The following KANK1 variants were observed in gnomAD, a reference collection of about 807,000 sequenced individuals.
KANK1 encodes KN motif and ankyrin repeat domain-containing protein 1.
KANK1 carries 109 observed loss-of-function variants against 106.2 expected under a neutral mutation model. The ratio of observed to expected loss-of-function variants is 1.03; its 90% CI spans 0.88 to 1.20. The LOEUF is 1.20. Among genes scored for constraint, KANK1 ranks in the 50% most tolerant of loss-of-function variants. KANK1 has a pLI of 0.00. For missense variants in KANK1, 2,399 were observed against 1,710.7 expected, an observed-to-expected ratio of 1.40 and a Z score of -7.10; for synonymous variants, 873 against 652.2, an observed-to-expected ratio of 1.34 and a Z score of -5.16.
At chr9:621,161 T>G (rs775471418) in intron 1 of KANK1, among the ~76,000 whole-genome samples, 5 of 152,142 alleles carry the variant, frequency 3.3e-5, no homozygotes, top group Non-Finnish European at 7.3e-5. Context: ...AGCTAAAAAT[T>G]TTTCTTTGGG....
intron 1 of KANK1, among the ~76,000 whole-genome samples, chr9:508,121 C>CTTTTTTTTTTTT (rs71314711): frequency 2.6e-5 from 1 of 39,156 alleles, no homozygotes; most frequent in Non-Finnish European, 5.5e-5. Flanking sequence ...CCTGCTCAGC[C>CTTTTTTTTTTTT]TTTTTTTTTT....
At chr9:532,447 G>A (rs2060108160) in intron 1 of KANK1, among the ~76,000 whole-genome samples, 1 of 119,500 alleles carries the variant, frequency 8.4e-6, no homozygotes. Context: ...TTACATTGTT[G>A]TGCCACCATC....
At position 666,952 on chromosome 9, in the gene KANK1, G is replaced by A. The variant is rs529928146; in HGVS notation, c.-83-9938G>A. ...GTGGCCTTATCTGGTTTTGGTATCA[G>A]GGTAATGCCCGCCTTGCCGGATGAG... is the stretch of plus-strand genomic sequence containing the variant. On this transcript the variant is annotated intron_variant, in intron 1 of 11. Coordinates refer to ENST00000382297, the MANE Select transcript of KANK1 (RefSeq NM_015158.5). Among the ~76,000 whole-genome samples the A allele has an allele frequency of 1.9e-4, 26 of 134,360 alleles. No homozygotes were observed. In the South Asian group the frequency reaches 5.9e-3, roughly 30 times the overall value. 88.1% of individuals were successfully genotyped at this position (134,360 alleles called of 152,430 possible). A position where few individuals can be genotyped will look rare whatever the true frequency, so the allele number is the denominator to read the frequency against.
upstream of KANK1, among the ~76,000 whole-genome samples, chr9:500,483 C>T (rs967508727): frequency 6.6e-6 from 1 of 152,182 alleles, no homozygotes; most frequent in East Asian, 1.9e-4. Context: ...GCCATTAGGT[C>T]TCTGCTGGCC....
At chr9:693,620 G>A (rs1012850222) in intron 2 of KANK1, 2 of 985,354 alleles carry the variant, frequency 2.0e-6, no homozygotes, top group Non-Finnish European at 2.4e-6. Context: ...GTGGCCAGCA[G>A]GCTGTTAGTT....
At chr9:495,268 G>C (rs1457542200) in intron 3 of KANK1, 1 of 152,148 alleles carries the variant, frequency 6.6e-6, no homozygotes, top group African/African-American at 2.4e-5. Context: ...GCTGTCCTTT[G>C]TCAGACTCTA....
intron 3 of KANK1, among the ~76,000 whole-genome samples, chr9:483,980 A>G (rs2058250069): frequency 6.6e-6 from 1 of 152,202 alleles, no homozygotes; most frequent in Non-Finnish European, 1.5e-5. Context: ...AATAATAATT[A>G]CTACCAACAA....
intron 1 of KANK1, among the ~76,000 whole-genome samples, chr9:614,917 C>G (rs528923213): frequency 2.8e-4 from 43 of 152,148 alleles, no homozygotes; most frequent in African/African-American, 8.0e-4. Context: ...TAATATAGTA[C>G]AAAATTGTAC....
At chr9:718,667 A>G (rs1320048550) in intron 3 of KANK1, among the ~76,000 whole-genome samples, 6 of 152,122 alleles carry the variant, frequency 3.9e-5, no homozygotes, top group Non-Finnish European at 7.4e-5. Flanking sequence ...TGTCAAATAA[A>G]TAGGGTGAGA....
At chr9:736,182 T>C (rs1055890408) in intron 7 of KANK1, among the ~76,000 whole-genome samples, 1 of 152,122 alleles carries the variant, frequency 6.6e-6, no homozygotes, top group Non-Finnish European at 1.5e-5. Context: ...ATGGTCTCGA[T>C]CTCCTGACCT....
chr9:533,902 C>G (rs2060177697), intron 1 of KANK1, among the ~76,000 whole-genome samples: 1 of 152,190 alleles, frequency 6.6e-6, no homozygotes, highest in Non-Finnish European at 1.5e-5. Context: ...AACAAAACCA[C>G]CAGGCACATT....
intron 1 of KANK1, among the ~76,000 whole-genome samples, chr9:550,217 A>T (rs1255243062): frequency 1.4e-5 from 2 of 148,080 alleles, no homozygotes; most frequent in African/African-American, 5.1e-5. Flanking sequence ...CCCTCCCCCC[A>T]GGGATACTGT....
At chr9:492,485 C>T (rs1241922208) in intron 3 of KANK1, among the ~76,000 whole-genome samples, 2 of 152,114 alleles carry the variant, frequency 1.3e-5, no homozygotes, top group South Asian at 2.1e-4. Flanking sequence ...AATGAGGCAA[C>T]TAATAAATGC....
At chr9:535,991 A>G (rs572454226) in intron 1 of KANK1, among the ~76,000 whole-genome samples, 3 of 152,300 alleles carry the variant, frequency 2.0e-5, no homozygotes, top group East Asian at 1.9e-4. Context: ...TCCAGGTACT[A>G]AAGTCTTTTA....
intron 1 of KANK1, among the ~76,000 whole-genome samples, chr9:554,415 C>G (rs1418083716): frequency 6.6e-6 from 1 of 152,216 alleles, no homozygotes; most frequent in Non-Finnish European, 1.5e-5. Flanking sequence ...TGACACCCAT[C>G]CACACTGATG....
chr9:598,343 G>A (rs1826742575), intron 1 of KANK1, among the ~76,000 whole-genome samples: 1 of 151,402 alleles, frequency 6.6e-6, no homozygotes, highest in South Asian at 2.1e-4. Flanking sequence ...TGGCTATTTG[G>A]ATCCCTTTCA....
chr9:509,938 C>G (rs2058954442), intron 1 of KANK1, among the ~76,000 whole-genome samples: 1 of 151,854 alleles, frequency 6.6e-6, no homozygotes, highest in Admixed American at 6.6e-5. Context: ...GTAGCTGGGA[C>G]TACAGGCATG....
intron 1 of KANK1, among the ~76,000 whole-genome samples, chr9:553,686 A>G (rs2061410663): frequency 6.6e-6 from 1 of 152,246 alleles, no homozygotes; most frequent in African/African-American, 2.4e-5. Flanking sequence ...TGAGAAAAAT[A>G]TAAGCCAATT....
chr9:594,724 G>C lies in KANK1; in HGVS notation c.-83-82166G>C, dbSNP rs140127405. ...CTGAAGGTTCAAAAATATTGAACGT[G>C]ATTTCAGTTGTTTCTAGAATTTAAA... On this transcript the variant is annotated intron_variant, in intron 1 of 11. Transcript: ENST00000382297. 5.1e-3 allele frequency among the ~76,000 whole-genome samples: 767 copies of C among 151,864 alleles called. 36 individuals carry two copies. Among genetic ancestry groups the C allele is most frequent in the African/African-American group, 0.017 (717 of 41,208 alleles).
Sources: allele counts gnomAD v4.1 joint callset (sites outside exome capture counted in the v4.1 genomes callset), GRCh38; gene constraint gnomAD v4.1.1; transcripts MANE v1.5; gene names NCBI Gene and HGNC (gene_info 2026-07-23, HGNC 2026-07-21).